Variants in SLC4A10 observed in about 807,000 individuals in gnomAD.
SLC4A10 encodes solute carrier family 4 member 10.
Under a neutral mutation model 137.7 loss-of-function variants are expected in SLC4A10, and 42 were observed. The ratio of observed to expected loss-of-function variants is 0.30; its 90% CI spans 0.24 to 0.39. The LOEUF is 0.39. SLC4A10 is among the 10% of genes least tolerant of loss of function. SLC4A10 has a pLI of 1.00. For missense variants in SLC4A10, 925 were observed against 1,355.0 expected (o/e 0.68, Z 4.98); for synonymous variants, 474 against 464.1 (o/e 1.02, Z -0.27).
Position 161,925,706 on chromosome 2 carries a change from T to C in SLC4A10, c.1998-17086T>C, listed in dbSNP as rs977776975. ...GGGCATTTAGTGCTATAAACTTCCC[T>C]CTACACACTGCTTTGAATGTGTCCC... is the stretch of plus-strand genomic sequence containing the variant. On this transcript the variant is annotated intron_variant, in intron 15 of 26. Coordinates refer to ENST00000446997, the MANE Select transcript of SLC4A10 (RefSeq NM_001178015.2). Among the ~76,000 whole-genome samples the C allele has an allele frequency of 2.6e-4, 40 of 152,278 alleles. 1 individual carries two copies. Among genetic ancestry groups the C allele is most frequent in the African/African-American group, 8.9e-4 (37 of 41,556 alleles).
At chr2:161,925,965 C>G (rs1038193087) in intron 15 of SLC4A10, among the ~76,000 whole-genome samples, 1 of 152,108 alleles carries the variant, frequency 6.6e-6, no homozygotes, top group African/African-American at 2.4e-5. Context: ...AAGAGCTTTA[C>G]TTCCAACTAT....
intron 1 of SLC4A10, among the ~76,000 whole-genome samples, chr2:161,769,796 C>A (rs1032601504): frequency 1.3e-5 from 2 of 151,606 alleles, no homozygotes; most frequent in Non-Finnish European, 2.9e-5. Flanking sequence ...CTGTTCTTTC[C>A]ATGCTCTTAA....
intron 3 of SLC4A10, among the ~76,000 whole-genome samples, chr2:161,815,789 A>C (rs2125660384): frequency 6.6e-6 from 1 of 152,254 alleles, no homozygotes; most frequent in South Asian, 2.1e-4. Flanking sequence ...GATTCTGAGA[A>C]GCTTCTGCCT....
chr2:161,867,316 A>G (rs1008250821), intron 6 of SLC4A10, among the ~76,000 whole-genome samples: 1 of 151,932 alleles, frequency 6.6e-6, no homozygotes, highest in African/African-American at 2.4e-5. Flanking sequence ...TTGCTTTTTT[A>G]ATACAATGGT....
At chr2:161,955,659 C>T (rs1695527810) in intron 19 of SLC4A10, among the ~76,000 whole-genome samples, 1 of 152,132 alleles carries the variant, frequency 6.6e-6, no homozygotes, top group African/African-American at 2.4e-5. Context: ...TAAGAACCTT[C>T]TTACTAAGAA....
intron 1 of SLC4A10, among the ~76,000 whole-genome samples, chr2:161,698,776 G>C (rs887134448): frequency 5.9e-5 from 9 of 152,074 alleles, no homozygotes; most frequent in African/African-American, 2.2e-4. Flanking sequence ...CTCTTTTTTT[G>C]TTGTGTCTCT....
chr2:161,953,281 G>A (rs1695101800), intron 19 of SLC4A10, among the ~76,000 whole-genome samples: 1 of 151,976 alleles, frequency 6.6e-6, no homozygotes, highest in Admixed American at 6.6e-5. Context: ...CTAGTAGCTG[G>A]TTTTCTTTTA....
chr2:161,924,710 A>G (rs1455988896), intron 15 of SLC4A10, among the ~76,000 whole-genome samples: 1 of 152,152 alleles, frequency 6.6e-6, no homozygotes, highest in African/African-American at 2.4e-5. Context: ...TGTCTCTCCT[A>G]TGACATTGGT....
intron 1 of SLC4A10, among the ~76,000 whole-genome samples, chr2:161,767,133 A>T (rs373748115): frequency 2.2e-5 from 2 of 90,270 alleles, no homozygotes; most frequent in African/African-American, 1.0e-4. Context: ...ATATATATAT[A>T]TATATATGTG....
At chr2:161,799,240 AT>A (rs2055118057) in intron 2 of SLC4A10, among the ~76,000 whole-genome samples, 1 of 151,846 alleles carries the variant, frequency 6.6e-6, no homozygotes, top group Admixed American at 6.6e-5. Context: ...TAAAATAAAA[AT>A]TATTCTTTAT....
At chr2:161,921,261 G>A (rs1475050315) in intron 15 of SLC4A10, among the ~76,000 whole-genome samples, 3 of 152,160 alleles carry the variant, frequency 2.0e-5, no homozygotes. Flanking sequence ...ATTCCCACAT[G>A]CAGATCATCA....
chr2:161,920,506 A>G (rs907489234), intron 15 of SLC4A10, among the ~76,000 whole-genome samples: 1 of 152,236 alleles, frequency 6.6e-6, no homozygotes, highest in East Asian at 1.9e-4. Flanking sequence ...AGGGTTGCAA[A>G]AGAGTTCACC....
chr2:161,662,853 T>A (rs987751739), intron 1 of SLC4A10, among the ~76,000 whole-genome samples: 12 of 152,196 alleles, frequency 7.9e-5, no homozygotes, highest in African/African-American at 2.2e-4. Context: ...ATCTTGGAAG[T>A]GTCCATTGTG....
In SLC4A10 at chr2:161,984,735, A is replaced by T. The variant is rs1000048092; in HGVS notation, c.*1583A>T. 1.3e-5 allele frequency: 2 copies of T among 152,126 alleles called. No individual in the cohort carries two copies. The highest frequency in any genetic ancestry group is 4.8e-5 in the African/African-American group (2 of 41,444). The allele number at this position is 152,126 out of a possible 1,614,324, so 9.4% of individuals were successfully genotyped here. On this transcript the variant is annotated 3_prime_UTR_variant, in exon 27 of 27. Coordinates refer to ENST00000446997, the MANE Select transcript of SLC4A10 (RefSeq NM_001178015.2). Reference sequence around the variant, plus strand: ...ATTATAGAAAGAAGAATTTTAAGTTAATAAAGTTTGTATTTATAAATGCTG... The same window carrying T: ...ATTATAGAAAGAAGAATTTTAAGTTTATAAAGTTTGTATTTATAAATGCTG...
chr2:161,877,666 A>C (rs1361030244), intron 8 of SLC4A10, among the ~76,000 whole-genome samples: 1 of 152,046 alleles, frequency 6.6e-6, no homozygotes, highest in Non-Finnish European at 1.5e-5. Flanking sequence ...ATTCCACAAA[A>C]GCAAAATATT....
chr2:161,983,475 T>G lies in SLC4A10; in HGVS notation c.*323T>G. ...AATCTGTGTGTTCCTTGCTGTACGT[T>G]AGACATTTGTAAACTGGATTCTGAT... On this transcript the variant is annotated 3_prime_UTR_variant, in exon 27 of 27. Transcript: ENST00000446997. The G allele has an allele frequency of 2.2e-6, 1 of 454,500 alleles. No individual in the cohort carries two copies. Among genetic ancestry groups the G allele is most frequent in the South Asian group, 3.9e-5 (1 of 25,530 alleles). The allele number at this position is 454,500 out of a possible 1,614,324, so 28.2% of individuals were successfully genotyped here.
intron 15 of SLC4A10, among the ~76,000 whole-genome samples, chr2:161,937,575 T>A (rs72867035): frequency 0.067 from 10,208 of 152,306 alleles, 446 homozygotes; most frequent in East Asian, 0.13. Context: ...TAGCCCAGAC[T>A]TTTTTATAGT....
chr2:161,792,850 C>G (rs990800745), intron 2 of SLC4A10, among the ~76,000 whole-genome samples: 1 of 151,974 alleles, frequency 6.6e-6, no homozygotes, highest in African/African-American at 2.4e-5. Flanking sequence ...TGCTTGAGTT[C>G]TAGAACCCAT....
At chr2:161,668,002 G>T (rs1006215031) in intron 1 of SLC4A10, among the ~76,000 whole-genome samples, 1 of 151,772 alleles carries the variant, frequency 6.6e-6, no homozygotes, top group Non-Finnish European at 1.5e-5. Flanking sequence ...GACTTTAAAG[G>T]TAGTTTCAGA....
Sources: allele counts gnomAD v4.1 joint callset (sites outside exome capture counted in the v4.1 genomes callset), GRCh38; gene constraint gnomAD v4.1.1; transcripts MANE v1.5; gene names NCBI Gene and HGNC (gene_info 2026-07-23, HGNC 2026-07-21).